FNDC3B: variants seen among roughly 807,000 people sequenced by gnomAD.
The protein encoded by FNDC3B is fibronectin type III domain containing 3B.
In FNDC3B, 12 loss-of-function variants were observed where a neutral mutation model predicts 151.5. The observed-to-expected ratio is 0.08, with a 90% CI of 0.05 to 0.13. FNDC3B has a LOEUF of 0.13. Among genes scored for constraint, FNDC3B ranks in the 10% least tolerant of loss-of-function variants. The pLI is 1.00. For missense variants in FNDC3B, 1,214 were observed against 1,505.3 expected, an observed-to-expected ratio of 0.81 and a Z score of 3.20; for synonymous variants, 528 against 549.0, an observed-to-expected ratio of 0.96 and a Z score of 0.54.
intron 1 of FNDC3B, among the ~76,000 whole-genome samples, chr3:172,091,677 T>TTTA (rs1403278089): frequency 1.3e-4 from 20 of 152,358 alleles, no homozygotes; most frequent in Admixed American, 9.1e-4. Context: ...CATATAAGAA[T>TTTA]ACGTATTCAT....
intron 6 of FNDC3B, among the ~76,000 whole-genome samples, chr3:172,265,799 G>A (rs918158863): frequency 6.6e-6 from 1 of 152,148 alleles, no homozygotes; most frequent in African/African-American, 2.4e-5. Flanking sequence ...TACGGACACT[G>A]TACATAGTAC....
chr3:172,128,931 G>A (rs139395529), intron 2 of FNDC3B, among the ~76,000 whole-genome samples: 18 of 152,168 alleles, frequency 1.2e-4, no homozygotes, highest in Non-Finnish European at 2.2e-4. Flanking sequence ...TGCTGCAAGT[G>A]TACTATTTTG....
chr3:172,368,429 G>A (rs1249324576), intron 23 of FNDC3B, among the ~76,000 whole-genome samples: 2 of 152,142 alleles, frequency 1.3e-5, no homozygotes, highest in Admixed American at 6.5e-5. Context: ...TCAGGGCCAG[G>A]CCCTTAAGAA....
At chr3:172,248,275 A>G (rs575971205) in intron 5 of FNDC3B, among the ~76,000 whole-genome samples, 3 of 152,324 alleles carry the variant, frequency 2.0e-5, no homozygotes, top group African/African-American at 7.2e-5. Context: ...TGATGCTGGC[A>G]GAACTCAAAA....
intron 3 of FNDC3B, among the ~76,000 whole-genome samples, chr3:172,176,502 G>A (rs1254103129): frequency 6.6e-6 from 1 of 152,176 alleles, no homozygotes; most frequent in Admixed American, 6.5e-5. Flanking sequence ...TCTGAATTGA[G>A]TTAGGAAATT....
At chr3:172,074,105 A>G (rs1297030468) in intron 1 of FNDC3B, among the ~76,000 whole-genome samples, 1 of 152,230 alleles carries the variant, frequency 6.6e-6, no homozygotes, top group Non-Finnish European at 1.5e-5. Flanking sequence ...TTGTCTGCAA[A>G]TGAATTGACA....
At chr3:172,346,955 C>G (rs1456769732) in intron 20 of FNDC3B, among the ~76,000 whole-genome samples, 4 of 152,182 alleles carry the variant, frequency 2.6e-5, no homozygotes, top group Non-Finnish European at 2.9e-5. Context: ...CCACCCACCT[C>G]AGCCTCCCAA....
chr3:172,188,647 C>T (rs922671488), intron 3 of FNDC3B, among the ~76,000 whole-genome samples: 1 of 152,044 alleles, frequency 6.6e-6, no homozygotes, highest in Non-Finnish European at 1.5e-5. Context: ...CCTCGTGATC[C>T]GCCCGCCTCA....
intron 3 of FNDC3B, among the ~76,000 whole-genome samples, chr3:172,217,086 CCATAATT>C (rs1726021275): frequency 3.0e-4 from 2 of 6,768 alleles, no homozygotes; most frequent in Non-Finnish European, 1.1e-3. Context: ...GCCATTCTCT[CCATAATT>C]AAGAACAGAA....
At chr3:172,343,264 T>C in intron 18 of FNDC3B, 148 bp downstream of exon 18, 1 of 589,546 alleles carries the variant, frequency 1.7e-6, no homozygotes, top group Non-Finnish European at 3.1e-6. Context: ...TTGAAGTATG[T>C]TGACCCAGGT....
At chr3:172,216,281 G>A (rs1290600241) in intron 3 of FNDC3B, among the ~76,000 whole-genome samples, 2 of 152,092 alleles carry the variant, frequency 1.3e-5, no homozygotes, top group African/African-American at 4.8e-5. Flanking sequence ...CCTGGTTTAA[G>A]TATAAATAAG....
At position 172,129,578 on chromosome 3, in the gene FNDC3B, C is replaced by A. The variant is rs535921446; in HGVS notation, c.112-3893C>A. ...TGTGTTTACTCAATTGTATTAATTG[C>A]AACTCTTGTTTTATTGTTTCTCTGG... On this transcript the variant is annotated intron_variant, in intron 2 of 25. Transcript: ENST00000415807. 5.9e-5 allele frequency among the ~76,000 whole-genome samples: 9 copies of A among 152,288 alleles called. No homozygotes were observed. In the South Asian group the frequency reaches 1.9e-3, roughly 32 times the overall value.
chr3:172,316,846 A>G lies in FNDC3B; in HGVS notation c.1254+5965A>G, dbSNP rs187917711. Among the ~76,000 whole-genome samples the G allele has an allele frequency of 5.8e-4, 88 of 152,378 alleles. No homozygotes were observed. The Middle Eastern group carries it at 0.01, about 18-fold the overall frequency. On this transcript the variant is annotated intron_variant, in intron 11 of 25. Transcript: ENST00000415807. The stretch of plus-strand genomic sequence containing the variant: ...ATCCATTTTGTGCTGCTGTAACAGA[A>G]TACCTGAGACTGGTTACTTTATAAA...
At chr3:172,118,056 T>C (rs2124547) in intron 2 of FNDC3B, among the ~76,000 whole-genome samples, 90,857 of 152,126 alleles carry the variant, frequency 0.6, 29,669 homozygotes, top group East Asian at 0.77. Flanking sequence ...AGAGTTTTTT[T>C]CCCTCTTTTG....
chr3:172,295,374 T>C lies in FNDC3B; in HGVS notation c.861T>C (p.Ile287=), dbSNP rs779444816. The C allele has an allele frequency of 6.2e-7, 1 of 1,606,196 alleles. No homozygotes were observed. Among genetic ancestry groups the C allele is most frequent in the Non-Finnish European group, 8.5e-7 (1 of 1,177,958 alleles). ...SGIEKPQVSN[I]QARAVVLSWA... The stretch of plus-strand genomic sequence containing the variant: ...TTTTTCTTCCTCAGGTTTCTAATAT[T>C]CAGGCAAGAGCAGTTGTGTTGTCCT... The change falls in exon 8 of 26, where the codon ATT becomes ATC. Residue 287 remains isoleucine (I), a synonymous_variant. Coordinates refer to ENST00000415807, the MANE Select transcript of FNDC3B (RefSeq NM_022763.4).
chr3:172,180,866 G>A (rs1356973350), intron 3 of FNDC3B, among the ~76,000 whole-genome samples: 1 of 152,162 alleles, frequency 6.6e-6, no homozygotes, highest in East Asian at 1.9e-4. Context: ...GTGTGATCTT[G>A]TAGATCCTGT....
chr3:172,115,335 G>A (rs921912267), intron 2 of FNDC3B, among the ~76,000 whole-genome samples: 8 of 152,202 alleles, frequency 5.3e-5, no homozygotes, highest in Non-Finnish European at 1.2e-4. Context: ...AGAAACACAA[G>A]AGGATGTAGG....
chr3:172,316,392 G>A (rs1039036703), intron 11 of FNDC3B: 1 of 455,018 alleles, frequency 2.2e-6, no homozygotes, highest in Non-Finnish European at 4.4e-6. Flanking sequence ...GATATAGAGG[G>A]CTCTAGGTTA....
chr3:172,256,969 C>T (rs1212345499), intron 6 of FNDC3B, among the ~76,000 whole-genome samples: 15 of 151,436 alleles, frequency 9.9e-5, no homozygotes, highest in African/African-American at 3.4e-4. Context: ...CTGGCTCTGT[C>T]GCCCAGGCTG....
Sources: allele counts gnomAD v4.1 joint callset (sites outside exome capture counted in the v4.1 genomes callset), GRCh38; gene constraint gnomAD v4.1.1; transcripts MANE v1.5; gene names NCBI Gene and HGNC (gene_info 2026-07-23, HGNC 2026-07-21).